Variants in HPSE2 observed in about 807,000 individuals in gnomAD.
The protein encoded by HPSE2 is heparanase 2 (inactive).
Under a neutral mutation model 60.5 loss-of-function variants are expected in HPSE2, and 38 were observed. That is an observed-to-expected ratio of 0.63 (90% CI 0.48 to 0.82). HPSE2 has a LOEUF of 0.82. Ranked by LOEUF, HPSE2 falls within the 40% of genes least tolerant of loss-of-function variation. The pLI is 0.00. For missense variants in HPSE2, 713 were observed against 740.4 expected, an observed-to-expected ratio of 0.96 and a Z score of 0.43; for synonymous variants, 295 against 293.2, an observed-to-expected ratio of 1.01 and a Z score of -0.06.
At chr10:98,559,003 C>A (rs1287083665) in intron 9 of HPSE2, among the ~76,000 whole-genome samples, 1 of 151,960 alleles carries the variant, frequency 6.6e-6, no homozygotes, top group African/African-American at 2.4e-5. Flanking sequence ...AGTTTGTGTC[C>A]CTGGGAATCG....
chr10:99,117,431 A>AAAAAAAAAAAAAAAAAAAC (rs1844747983), intron 3 of HPSE2, among the ~76,000 whole-genome samples: 1 of 133,998 alleles, frequency 7.5e-6, no homozygotes, highest in Admixed American at 7.3e-5. Context: ...AAAAAAAAAA[A>AAAAAAAAAAAAAAAAAAAC]AAAAAAAAAA....
In HPSE2 at chr10:99,171,835, C is replaced by A. The variant is rs75354237; in HGVS notation, c.449-27436G>T. On this transcript the variant is annotated intron_variant, in intron 2 of 11. Transcript: ENST00000370552. ...TCTGTGACTAAAAAAAAAAACTTAACCTCTTTGAGAATTGACTTTCCCCTA... is the reference window on the plus strand; with the variant it reads ...TCTGTGACTAAAAAAAAAAACTTAAACTCTTTGAGAATTGACTTTCCCCTA... 4.4e-3 allele frequency among the ~76,000 whole-genome samples: 665 copies of A among 152,008 alleles called. 2 individuals carry two copies. Among genetic ancestry groups the A allele is most frequent in the African/African-American group, 0.014 (601 of 41,452 alleles).
intron 9 of HPSE2, among the ~76,000 whole-genome samples, chr10:98,540,247 C>G (rs1254848883): frequency 6.6e-6 from 1 of 152,160 alleles, no homozygotes; most frequent in Non-Finnish European, 1.5e-5. Context: ...TACATTAAAC[C>G]ATTTTTTAGC....
chr10:99,085,485 C>T (rs1411319706), intron 3 of HPSE2, among the ~76,000 whole-genome samples: 1 of 152,166 alleles, frequency 6.6e-6, no homozygotes, highest in East Asian at 1.9e-4. Flanking sequence ...ATCTCTTTTT[C>T]TCACCCAAAG....
chr10:99,296,762 G>A, the HPSE2 span, among the ~76,000 whole-genome samples: 2 of 152,164 alleles, frequency 1.3e-5, no homozygotes, highest in South Asian at 4.1e-4. Context: ...GGAGATCTGG[G>A]AGCCACAGTC....
chr10:98,944,935 T>C (rs555333553), intron 3 of HPSE2, among the ~76,000 whole-genome samples: 10 of 152,222 alleles, frequency 6.6e-5, no homozygotes, highest in African/African-American at 2.4e-4. Context: ...GGGAAACCAT[T>C]ATGCCTCTTT....
intron 2 of HPSE2, among the ~76,000 whole-genome samples, chr10:99,195,476 A>T (rs567458724): frequency 4.6e-4 from 68 of 148,204 alleles, no homozygotes; most frequent in African/African-American, 1.7e-3. Context: ...AGACTCCATT[A>T]AAAAAAAACT....
intron 9 of HPSE2, among the ~76,000 whole-genome samples, chr10:98,581,176 T>C (rs1249094941): frequency 6.6e-6 from 1 of 152,080 alleles, no homozygotes; most frequent in Non-Finnish European, 1.5e-5. Context: ...GTGTTGGGAA[T>C]ACAGGTGTGA....
chr10:99,056,917 AACTACTGATACATAC>A (rs1474076811), intron 3 of HPSE2, among the ~76,000 whole-genome samples: 3 of 152,214 alleles, frequency 2.0e-5, no homozygotes, highest in Admixed American at 1.3e-4. Flanking sequence ...TTTTTAAGTG[AACTACTGATACATAC>A]AGCAAAGTAG....
chr10:99,114,946 C>G (rs1564818606), intron 3 of HPSE2, among the ~76,000 whole-genome samples: 1 of 151,000 alleles, frequency 6.6e-6, no homozygotes. Context: ...AACATGACCA[C>G]TTTAAAAATA....
chr10:98,802,785 G>A (rs1163667414), intron 3 of HPSE2, among the ~76,000 whole-genome samples: 2 of 140,800 alleles, frequency 1.4e-5, no homozygotes, highest in Non-Finnish European at 3.1e-5. Context: ...AAACATACGT[G>A]TGCATGTGTC....
chr10:98,622,466 A>T (rs531733956), intron 7 of HPSE2, among the ~76,000 whole-genome samples: 1 of 152,210 alleles, frequency 6.6e-6, no homozygotes, highest in Non-Finnish European at 1.5e-5. Context: ...GAGGGCCTTC[A>T]AAAAGAAAAA....
chr10:99,207,293 G>A (rs776771324), intron 2 of HPSE2, among the ~76,000 whole-genome samples: 4 of 152,056 alleles, frequency 2.6e-5, no homozygotes, highest in African/African-American at 7.2e-5. Context: ...CATAGATACC[G>A]TACCCAGCAA....
chr10:99,118,941 G>T (rs988151963), intron 3 of HPSE2, among the ~76,000 whole-genome samples: 1 of 151,404 alleles, frequency 6.6e-6, no homozygotes, highest in African/African-American at 2.4e-5. Flanking sequence ...ACTGGAACCT[G>T]GGAGGTGGAG....
intron 2 of HPSE2, among the ~76,000 whole-genome samples, chr10:99,202,569 C>G (rs1325583538): frequency 6.6e-6 from 1 of 152,028 alleles, no homozygotes; most frequent in East Asian, 1.9e-4. Context: ...CATGTACCCC[C>G]AAAATATGTA....
the HPSE2 span, among the ~76,000 whole-genome samples, chr10:99,244,429 C>T: frequency 8.7e-6 from 1 of 115,536 alleles, no homozygotes; most frequent in Non-Finnish European, 1.9e-5. Context: ...TTATTTGAGA[C>T]ACGGTCTCAC....
intron 3 of HPSE2, among the ~76,000 whole-genome samples, chr10:98,977,256 T>G (rs993174158): frequency 6.6e-6 from 1 of 152,226 alleles, no homozygotes; most frequent in African/African-American, 2.4e-5. Flanking sequence ...TTTATCAATT[T>G]AGTGTAGTGC....
intron 3 of HPSE2, among the ~76,000 whole-genome samples, chr10:98,789,648 C>T (rs1354250231): frequency 4.6e-5 from 7 of 152,184 alleles, no homozygotes; most frequent in African/African-American, 1.7e-4. Flanking sequence ...AGGCTACTCT[C>T]TGCAGATAAG....
intron 5 of HPSE2, among the ~76,000 whole-genome samples, chr10:98,721,390 C>A (rs1294772043): frequency 7.2e-5 from 11 of 151,896 alleles, no homozygotes; most frequent in Non-Finnish European, 4.4e-5. Flanking sequence ...TGTGGTTTTT[C>A]AAACAATGTT....
Sources: gnomAD v4.1 joint callset for allele counts (sites outside exome capture counted in the v4.1 genomes callset) on GRCh38, gnomAD v4.1.1 for gene constraint, MANE v1.5 for transcripts, NCBI Gene and HGNC (gene_info 2026-07-23, HGNC 2026-07-21) for gene names.